PCM1: variants seen among roughly 807,000 people sequenced by gnomAD.
PCM1 encodes pericentriolar material 1.
A neutral mutation model predicts 241.9 loss-of-function variants in PCM1; 157 were observed. The observed-to-expected ratio is 0.65, with a 90% CI of 0.57 to 0.74. PCM1 has a LOEUF of 0.74. Ranked by LOEUF, PCM1 falls within the 30% of genes least tolerant of loss-of-function variation. The pLI is 0.00. For missense variants in PCM1, 3,478 were observed against 2,360.1 expected, an observed-to-expected ratio of 1.47 and a Z score of -9.81; for synonymous variants, 1,085 against 784.9, an observed-to-expected ratio of 1.38 and a Z score of -6.39.
chr8:17,938,157 C>T (rs1046631301), intron 4 of PCM1, among the ~76,000 whole-genome samples: 10 of 152,104 alleles, frequency 6.6e-5, no homozygotes, highest in African/African-American at 1.9e-4. Context: ...ATCCCTAATA[C>T]GAAAATCCGA....
chr8:18,021,259 C>T (rs1477372431), intron 36 of PCM1, among the ~76,000 whole-genome samples: 1 of 152,112 alleles, frequency 6.6e-6, no homozygotes, highest in East Asian at 1.9e-4. Flanking sequence ...ACTCTACAAA[C>T]CATCATGGTG....
At chr8:17,942,248 C>A (rs1318297143) in intron 6 of PCM1, among the ~76,000 whole-genome samples, 1 of 152,126 alleles carries the variant, frequency 6.6e-6, no homozygotes, top group African/African-American at 2.4e-5. Flanking sequence ...GGGCGGATCA[C>A]CTGAGGTCAG....
At chr8:17,960,198 A>G in intron 14 of PCM1, 33 bp downstream of exon 14, 2 of 1,548,120 alleles carry the variant, frequency 1.3e-6, no homozygotes, top group East Asian at 2.3e-5. Flanking sequence ...ATTTAATATA[A>G]TAAAAATTTA....
chr8:17,952,050 C>G (rs1216713884), intron 8 of PCM1, among the ~76,000 whole-genome samples: 1 of 152,006 alleles, frequency 6.6e-6, no homozygotes, highest in African/African-American at 2.4e-5. Context: ...TGGTGAAACC[C>G]TGTCTCAACT....
At chr8:18,027,528 C>A (rs1228381302) in intron 38 of PCM1, 109 bp from the exon 39 acceptor site, 11 of 683,378 alleles carry the variant, frequency 1.6e-5, no homozygotes, top group East Asian at 2.8e-5. Context: ...TTTAGGATTT[C>A]TTTTATAATA....
At chr8:17,946,840 T>C (rs2063972613) in intron 6 of PCM1, among the ~76,000 whole-genome samples, 1 of 147,682 alleles carries the variant, frequency 6.8e-6, no homozygotes, top group South Asian at 2.1e-4. Flanking sequence ...TCAGTGTGTG[T>C]GTGTGTGTGT....
At position 17,964,570 on chromosome 8, in the gene PCM1, C is replaced by A; in HGVS notation, c.2657C>A (p.Thr886Lys). 6.2e-7 allele frequency: 1 copy of A among 1,611,794 alleles called. No individual in the cohort carries two copies. Among genetic ancestry groups the A allele is most frequent in the Admixed American group, 1.7e-5 (1 of 59,864 alleles). The stretch of plus-strand genomic sequence containing the variant: ...GTTTTATGTCTCTTAATCACTAGAA[C>A]GATGGCAACTTGGGGAGGGTCTACC... ...CTPQQSRTEK[T>K]MATWGGSTQC... is the part of the protein sequence containing the mutation. The change falls in exon 18 of 39, where the codon ACG becomes AAG. Residue 886 changes from threonine (T) to lysine (K), a missense_variant and splice_region_variant. Physicochemically the swap from Thr to Lys is moderately conservative, Grantham distance 78. Transcript: ENST00000325083.
rs763510761 is a variant in PCM1 at position 17,957,611 on chromosome 8, G to A, written c.1876G>A (p.Glu626Lys). Residue 626 changes from glutamate to lysine, a missense_variant, in exon 13 of 39, where the codon GAA becomes AAA. Glu to Lys is a moderately conservative substitution (Grantham distance 56). Transcript: ENST00000325083. ...AQGEDDEEEE[E>K]EAEEEGVSGA... ...AGGTGAAGATGATGAGGAGGAGGAG[G>A]AAGAAGCAGAAGAGGAGGGAGTCAG... The A allele has an allele frequency of 8.9e-6, 14 of 1,576,202 alleles. No homozygotes were observed. The highest frequency in any genetic ancestry group is 1.0e-5 in the Non-Finnish European group (12 of 1,159,716).
At chr8:17,982,904 A>G (rs1229043803) in intron 24 of PCM1, among the ~76,000 whole-genome samples, 4 of 152,202 alleles carry the variant, frequency 2.6e-5, no homozygotes, top group African/African-American at 7.2e-5. Context: ...AGAGTATAGC[A>G]TAATAGGACT....
At chr8:17,936,639 G>A (rs2060511516) in intron 3 of PCM1, among the ~76,000 whole-genome samples, 1 of 152,050 alleles carries the variant, frequency 6.6e-6, no homozygotes, top group East Asian at 1.9e-4. Flanking sequence ...TTAGAGATTA[G>A]GAAACTGAGA....
chr8:17,998,516 G>T (rs747033813), intron 29 of PCM1, among the ~76,000 whole-genome samples: 1 of 152,152 alleles, frequency 6.6e-6, no homozygotes, highest in East Asian at 1.9e-4. Flanking sequence ...TCAAATAAAT[G>T]GAATCTCTGT....
chr8:18,018,809 CAA>C (rs1256522998), intron 36 of PCM1, among the ~76,000 whole-genome samples: 4 of 86,468 alleles, frequency 4.6e-5, no homozygotes, highest in Admixed American at 1.3e-4. Context: ...GATTCCGTCT[CAA>C]AAAAAAAAAA....
chr8:18,017,235 A>C (rs1439925487), intron 36 of PCM1, among the ~76,000 whole-genome samples: 1 of 152,210 alleles, frequency 6.6e-6, no homozygotes, highest in Non-Finnish European at 1.5e-5. Context: ...TTACACGGCT[A>C]AATTGGAAAT....
chr8:18,029,064 T>A lies in PCM1; in HGVS notation c.*1402T>A, dbSNP rs1277081020. On this transcript the variant is annotated 3_prime_UTR_variant, in exon 39 of 39. Transcript: ENST00000325083. Reference sequence around the variant, plus strand: ...TACTTGGGAGGCTAAGGCAGGAGAATAGCCTGAACCCGGGAGGTGGAGGTT... The same window carrying A: ...TACTTGGGAGGCTAAGGCAGGAGAAAAGCCTGAACCCGGGAGGTGGAGGTT... The A allele has an allele frequency of 6.0e-6, 1 of 166,818 alleles. No individual in the cohort carries two copies. The highest frequency in any genetic ancestry group is 1.2e-5 in the Non-Finnish European group (1 of 81,096). The allele number at this position is 166,818 out of a possible 1,614,324, so 10.3% of individuals were successfully genotyped here. A position where few individuals can be genotyped will look rare whatever the true frequency, so the allele number is the denominator to read the frequency against.
intron 7 of PCM1, 36 bp from the exon 8 acceptor site, chr8:17,950,579 A>G (rs761274213): frequency 4.9e-6 from 5 of 1,016,710 alleles, no homozygotes; most frequent in South Asian, 1.5e-5. Context: ...GTGTTTGATT[A>G]TTTACATTAA....
chr8:17,933,825 A>G (rs985635901), intron 2 of PCM1, among the ~76,000 whole-genome samples: 2 of 152,102 alleles, frequency 1.3e-5, no homozygotes, highest in African/African-American at 4.8e-5. Context: ...AAGAATGCCA[A>G]GTAACTGATA....
chr8:17,957,437 T>A lies in PCM1; in HGVS notation c.1804+16T>A. 1.2e-6 allele frequency: 2 copies of A among 1,610,582 alleles called. No homozygotes were observed. The highest frequency in any genetic ancestry group is 1.1e-5 in the South Asian group (1 of 91,044). On this transcript the variant is annotated intron_variant, in intron 12 of 38. Coordinates refer to ENST00000325083, the MANE Select transcript of PCM1 (RefSeq NM_006197.4). ...CCTTCTTTAGGTATGACTGACTGTA[T>A]TTACATATAATTTTGCTGTGTTATT... is the stretch of plus-strand genomic sequence containing the variant.
At chr8:17,934,473 C>G (rs1050230398) in intron 2 of PCM1, among the ~76,000 whole-genome samples, 3 of 152,018 alleles carry the variant, frequency 2.0e-5, no homozygotes, top group African/African-American at 7.2e-5. Context: ...GTTGGCCAGG[C>G]TGGTCTTGAA....
Position 17,937,315 on chromosome 8 carries a change from C to A in PCM1, c.278C>A (p.Ser93Tyr). The change falls in exon 4 of 39, where the codon TCT becomes TAT. Residue 93 changes from serine to tyrosine, a missense_variant. Coordinates refer to ENST00000325083, the MANE Select transcript of PCM1 (RefSeq NM_006197.4). Reference protein sequence around the residue: ...FPHSRYMSQMSVPEQAELEKL... With the variant: ...FPHSRYMSQMYVPEQAELEKL... ...CACAGTAGATACATGAGTCAGATGT[C>A]TGTCCCAGAGCAGGCAGAATTAGAG... 6.2e-7 allele frequency: 1 copy of A among 1,609,274 alleles called. No individual in the cohort carries two copies. Among genetic ancestry groups the A allele is most frequent in the Non-Finnish European group, 8.5e-7 (1 of 1,176,980 alleles).
Sources: allele counts gnomAD v4.1 joint callset (sites outside exome capture counted in the v4.1 genomes callset), GRCh38; gene constraint gnomAD v4.1.1; transcripts MANE v1.5; gene names NCBI Gene and HGNC (gene_info 2026-07-23, HGNC 2026-07-21).